Variants in LRRC14 observed in about 807,000 individuals in gnomAD.
LRRC14 encodes the protein leucine rich repeat containing 14, also known as leucine-rich repeat-containing protein 14.
A neutral mutation model predicts 25.3 loss-of-function variants in LRRC14; 16 were observed. That is an observed-to-expected ratio of 0.63 (90% CI 0.43 to 0.96). The LOEUF (loss-of-function observed/expected upper bound fraction) is 0.96, where lower values mean the gene tolerates loss of function less well. Ranked by LOEUF, LRRC14 falls within the 40% of genes least tolerant of loss-of-function variation. The probability of loss-of-function intolerance (pLI) is 0.00; values close to 1 mark genes in which losing one functional copy is unlikely to be tolerated. For missense variants in LRRC14, 594 were observed against 660.5 expected (o/e 0.90, Z 1.10); for synonymous variants, 359 against 295.1 (o/e 1.22, Z -2.22).
chr8:144,520,685 TG>T lies in LRRC14; in HGVS notation c.781del (p.Asp261IlefsTer83). ...LASLRLHYVH[G>X]DSRQPSVDGE... is the part of the protein sequence containing the mutation. ...CCAGCCTGCGGCTCCACTATGTGCA[TG>T]GGGATTCAAGGCAGCCCTCCGTGGA... On this transcript the variant is annotated frameshift_variant, in exon 3 of 4. Coordinates refer to ENST00000292524, the MANE Select transcript of LRRC14 (RefSeq NM_014665.4). LOFTEE classifies it high-confidence loss of function. The T allele has an allele frequency of 6.2e-7, 1 of 1,600,784 alleles. No individual in the cohort carries two copies. Among genetic ancestry groups the T allele is most frequent in the South Asian group, 1.1e-5 (1 of 91,088 alleles).
rs1586855584 is a variant in LRRC14 at position 144,523,994 on chromosome 8, T to G, written c.*2516T>G. On this transcript the variant is annotated 3_prime_UTR_variant, in exon 4 of 4. Transcript: ENST00000292524. The stretch of plus-strand genomic sequence containing the variant: ...CCTCCAGTGTGGCTGCAGGCGGTGG[T>G]GCAGCCTTCCAGACTGCTGCCCAGT... 8.0e-7 allele frequency: 1 copy of G among 1,246,386 alleles called. No homozygotes were observed. Among genetic ancestry groups the G allele is most frequent in the Non-Finnish European group, 1.1e-6 (1 of 894,166 alleles). The allele number at this position is 1,246,386 out of a possible 1,614,324, so 77.2% of individuals were successfully genotyped here. A position where few individuals can be genotyped will look rare whatever the true frequency, so the allele number is the denominator to read the frequency against.
At position 144,520,839 on chromosome 8, in the gene LRRC14, ACTGCCCTGCCCCTCCCTT is replaced by A. The variant is rs780988418; in HGVS notation, c.914+21_914+38del. On this transcript the variant is annotated intron_variant, in intron 3 of 3. Coordinates refer to ENST00000292524, the MANE Select transcript of LRRC14 (RefSeq NM_014665.4). Reference sequence around the variant, plus strand: ...GCTGCTCAGGTGAGCGGGCCCCACCACTGCCCTGCCCCTCCCTTCTGTAGGGACCCTCCCTGGCTCTGC... The same window carrying A: ...GCTGCTCAGGTGAGCGGGCCCCACCACTGTAGGGACCCTCCCTGGCTCTGC... 2.5e-6 allele frequency: 4 copies of A among 1,593,642 alleles called. No individual in the cohort carries two copies. Among genetic ancestry groups the A allele is most frequent in the Non-Finnish European group, 2.6e-6 (3 of 1,176,218 alleles).
At position 144,524,311 on chromosome 8, in the gene LRRC14, G is replaced by A; in HGVS notation, c.*2833G>A. 1 of 1,605,950 alleles carries A rather than the reference G, an allele frequency of 6.2e-7. No homozygotes were observed. The highest frequency in any genetic ancestry group is 2.2e-5 in the East Asian group (1 of 44,888). On this transcript the variant is annotated 3_prime_UTR_variant, in exon 4 of 4. Transcript: ENST00000292524. ...AAGGACAGCAGATCGTGAGGAAAAA[G>A]GGCGCCGAGGTTGGGGGCATGTCTC...
chr8:144,518,308 C>G (rs530915367), intron 1 of LRRC14: 1 of 152,302 alleles, frequency 6.6e-6, no homozygotes, highest in East Asian at 1.9e-4. Context: ...GCTCGGGAGG[C>G]GAAAGAGCGG....
At position 144,523,891 on chromosome 8, in the gene LRRC14, C is replaced by T; in HGVS notation, c.*2413C>T. 5.0e-6 allele frequency: 3 copies of T among 600,478 alleles called. 1 individual carries two copies. The highest frequency in any genetic ancestry group is 4.4e-5 in the South Asian group (2 of 45,246). 37.2% of individuals were successfully genotyped at this position (600,478 alleles called of 1,614,324 possible). A position where few individuals can be genotyped will look rare whatever the true frequency, so the allele number is the denominator to read the frequency against. ...CAGAACCCTCAATTCTGTTAAGTCACCCTGTGGAGTTCCTGTCTTCTGTTT... is the reference window on the plus strand; with the variant it reads ...CAGAACCCTCAATTCTGTTAAGTCATCCTGTGGAGTTCCTGTCTTCTGTTT... On this transcript the variant is annotated 3_prime_UTR_variant, in exon 4 of 4. Coordinates refer to ENST00000292524, the MANE Select transcript of LRRC14 (RefSeq NM_014665.4).
chr8:144,524,999 G>T lies in LRRC14; in HGVS notation c.*3521G>T. 7.0e-7 allele frequency: 1 copy of T among 1,425,204 alleles called. No individual in the cohort carries two copies. Among genetic ancestry groups the T allele is most frequent in the South Asian group, 1.5e-5 (1 of 68,766 alleles). The allele number at this position is 1,425,204 out of a possible 1,614,324, so 88.3% of individuals were successfully genotyped here. A position where few individuals can be genotyped will look rare whatever the true frequency, so the allele number is the denominator to read the frequency against. On this transcript the variant is annotated 3_prime_UTR_variant, in exon 4 of 4. Transcript: ENST00000292524. ...TCTCCCGAGGCCCGGTTCCTCACCGGCCCTTCCGCGGTTCAGCCGCAGACG... is the reference window on the plus strand; with the variant it reads ...TCTCCCGAGGCCCGGTTCCTCACCGTCCCTTCCGCGGTTCAGCCGCAGACG...
At chr8:144,518,456 CCCTTGGTGGGCAGGCCGTCTGCTTT>C (rs1815620651) in intron 1 of LRRC14, 1 of 152,300 alleles carries the variant, frequency 6.6e-6, no homozygotes, top group Admixed American at 6.5e-5. Flanking sequence ...GTGCCTGCCT[CCCTTGGTGGGCAGGCCGTCTGCTTT>C]GGTGTTCTCC....
Position 144,524,446 on chromosome 8 carries a change from G to A in LRRC14, c.*2968G>A. 6.3e-7 allele frequency: 1 copy of A among 1,597,936 alleles called. No individual in the cohort carries two copies. Among genetic ancestry groups the A allele is most frequent in the South Asian group, 1.1e-5 (1 of 91,068 alleles). ...TTTAGACCCCAGGCGCTCACCGGCA[G>A]GTGCAAGAAGGTGAAATCCAGCAGC... On this transcript the variant is annotated 3_prime_UTR_variant, in exon 4 of 4. Coordinates refer to ENST00000292524, the MANE Select transcript of LRRC14 (RefSeq NM_014665.4).
Position 144,523,421 on chromosome 8 carries a change from C to T in LRRC14, c.*1943C>T. ...GCGCCATGGGTTCTCTGTGGGAGAG[C>T]AGCGTTAGGCAGGTGGCTTGAGGGT... is the stretch of plus-strand genomic sequence containing the variant. On this transcript the variant is annotated 3_prime_UTR_variant, in exon 4 of 4. Coordinates refer to ENST00000292524, the MANE Select transcript of LRRC14 (RefSeq NM_014665.4). The T allele has an allele frequency of 6.6e-7, 1 of 1,515,026 alleles. No individual in the cohort carries two copies. The highest frequency in any genetic ancestry group is 8.8e-7 in the Non-Finnish European group (1 of 1,132,742). The allele number at this position is 1,515,026 out of a possible 1,614,324, so 93.8% of individuals were successfully genotyped here.
Position 144,521,484 on chromosome 8 carries a change from T to C in LRRC14, c.*6T>C, listed in dbSNP as rs111401462. 8 of 1,591,676 alleles carry C rather than the reference T, an allele frequency of 5.0e-6. No individual in the cohort carries two copies. In the South Asian group the frequency reaches 8.8e-5, roughly 18 times the overall value. ...CGGACTACTTCAGCCTATGATGAAG[T>C]AGCTCTGGGTGAGACACAGGCCGCC... On this transcript the variant is annotated 3_prime_UTR_variant, in exon 4 of 4. Transcript: ENST00000292524.
chr8:144,521,619 C>T lies in LRRC14; in HGVS notation c.*141C>T. The T allele has an allele frequency of 1.2e-6, 1 of 817,578 alleles. No individual in the cohort carries two copies. The highest frequency in any genetic ancestry group is 1.9e-6 in the Non-Finnish European group (1 of 535,314). The allele number at this position is 817,578 out of a possible 1,614,324, so 50.6% of individuals were successfully genotyped here. On this transcript the variant is annotated 3_prime_UTR_variant, in exon 4 of 4. Coordinates refer to ENST00000292524, the MANE Select transcript of LRRC14 (RefSeq NM_014665.4). ...GGGTCTACCTTGCTTCTGGGCACAC[C>T]TCAAGCCTCCCCTGCTTTCTGCAGT...
chr8:144,519,311 C>T (rs1586843244), intron 1 of LRRC14: 2 of 274,758 alleles, frequency 7.3e-6, no homozygotes, highest in Non-Finnish European at 1.4e-5. Flanking sequence ...TGGGGAGAGT[C>T]CTGGGCTTTA....
Position 144,523,558 on chromosome 8 carries a change from A to AC in LRRC14, c.*2084dup. On this transcript the variant is annotated 3_prime_UTR_variant, in exon 4 of 4. Coordinates refer to ENST00000292524, the MANE Select transcript of LRRC14 (RefSeq NM_014665.4). ...CCAAGGCCCTGCCACCCCTTCCTTG[A>AC]CCCCAAGCTCCTTGGGGCGGCAGGC... The AC allele has an allele frequency of 8.0e-7, 1 of 1,256,908 alleles. No individual in the cohort carries two copies. The highest frequency in any genetic ancestry group is 1.0e-6 in the Non-Finnish European group (1 of 979,388). 77.9% of individuals were successfully genotyped at this position (1,256,908 alleles called of 1,614,324 possible). A position where few individuals can be genotyped will look rare whatever the true frequency, so the allele number is the denominator to read the frequency against.
Position 144,519,660 on chromosome 8 carries a change from G to A in LRRC14, c.-66G>A. 7.0e-7 allele frequency: 1 copy of A among 1,419,398 alleles called. No individual in the cohort carries two copies. Among genetic ancestry groups the A allele is most frequent in the Non-Finnish European group, 9.6e-7 (1 of 1,042,156 alleles). The allele number at this position is 1,419,398 out of a possible 1,614,324, so 87.9% of individuals were successfully genotyped here. A position where few individuals can be genotyped will look rare whatever the true frequency, so the allele number is the denominator to read the frequency against. Reference sequence around the variant, plus strand: ...ACCACTTGTGTGTGGCTTGGTAGTGGCCTAGGGTCTCTCCTCCCTGCTGAA... The same window carrying A: ...ACCACTTGTGTGTGGCTTGGTAGTGACCTAGGGTCTCTCCTCCCTGCTGAA... On this transcript the variant is annotated 5_prime_UTR_variant, in exon 2 of 4. Coordinates refer to ENST00000292524, the MANE Select transcript of LRRC14 (RefSeq NM_014665.4).
At position 144,524,325 on chromosome 8, in the gene LRRC14, G is replaced by A. The variant is rs1407344457; in HGVS notation, c.*2847G>A. 1 of 1,602,424 alleles carries A rather than the reference G, an allele frequency of 6.2e-7. No individual in the cohort carries two copies. The highest frequency in any genetic ancestry group is 1.3e-5 in the African/African-American group (1 of 74,896). ...GTGAGGAAAAAGGGCGCCGAGGTTGGGGGCATGTCTCTCTTCTTACCAAGC... is the reference window on the plus strand; with the variant it reads ...GTGAGGAAAAAGGGCGCCGAGGTTGAGGGCATGTCTCTCTTCTTACCAAGC... On this transcript the variant is annotated 3_prime_UTR_variant, in exon 4 of 4. Coordinates refer to ENST00000292524, the MANE Select transcript of LRRC14 (RefSeq NM_014665.4).
Position 144,520,448 on chromosome 8 carries a change from C to T in LRRC14, c.540C>T (p.Phe180=). The part of the protein sequence containing the change: ...DLRVNRASYA[F]LREALRSSVG... ...GGGTGAACCGGGCCTCCTATGCGTT[C>T]CTGCGGGAGGCACTCCGAAGCAGCG... is the stretch of plus-strand genomic sequence containing the variant. Residue 180 remains phenylalanine, a synonymous_variant, in exon 3 of 4, where the codon TTC becomes TTT. Transcript: ENST00000292524. 6.3e-7 allele frequency: 1 copy of T among 1,598,140 alleles called. No individual in the cohort carries two copies. The highest frequency in any genetic ancestry group is 1.3e-5 in the African/African-American group (1 of 74,942).
rs1210454505 is a variant in LRRC14 at position 144,524,311 on chromosome 8, G to C, written c.*2833G>C. 6.2e-7 allele frequency: 1 copy of C among 1,605,950 alleles called. No homozygotes were observed. On this transcript the variant is annotated 3_prime_UTR_variant, in exon 4 of 4. Transcript: ENST00000292524. ...AAGGACAGCAGATCGTGAGGAAAAA[G>C]GGCGCCGAGGTTGGGGGCATGTCTC... is the stretch of plus-strand genomic sequence containing the variant.
At position 144,524,846 on chromosome 8, in the gene LRRC14, G is replaced by A. The variant is rs375566059; in HGVS notation, c.*3368G>A. 6.7e-7 allele frequency: 1 copy of A among 1,484,688 alleles called. No individual in the cohort carries two copies. The allele number at this position is 1,484,688 out of a possible 1,614,324, so 92.0% of individuals were successfully genotyped here. On this transcript the variant is annotated 3_prime_UTR_variant, in exon 4 of 4. Transcript: ENST00000292524. ...TCCCTGGCGGGATTCCCAGCGGGAC[G>A]ACGCGCAACCGCAGGGCGCCACACT...
In LRRC14 at chr8:144,523,342, C is replaced by A. The variant is rs1453645942; in HGVS notation, c.*1864C>A. The A allele has an allele frequency of 2.5e-6, 4 of 1,587,108 alleles. No homozygotes were observed. The Admixed American group carries it at 6.9e-5, about 27-fold the overall frequency. ...TCTTCCTGTCCCTGGAGGTGAGCAG[C>A]CGCTGGCCGCCCTCCTTGATCCAGG... On this transcript the variant is annotated 3_prime_UTR_variant, in exon 4 of 4. Coordinates refer to ENST00000292524, the MANE Select transcript of LRRC14 (RefSeq NM_014665.4).
Sources: gnomAD v4.1 joint callset for allele counts on GRCh38, gnomAD v4.1.1 for gene constraint, MANE v1.5 for transcripts, NCBI Gene and HGNC (gene_info 2026-07-23, HGNC 2026-07-21) for gene names.